ZFAT: variants seen among roughly 807,000 people sequenced by gnomAD.
The protein encoded by ZFAT is zinc finger protein ZFAT.
A neutral mutation model predicts 117.7 loss-of-function variants in ZFAT; 64 were observed. The observed-to-expected ratio is 0.54, with a 90% CI of 0.44 to 0.67. The LOEUF is 0.67. ZFAT is among the 30% of genes least tolerant of loss of function. The pLI, the probability that ZFAT is intolerant of heterozygous loss-of-function variation, is 0.00. For missense variants in ZFAT, 1,433 were observed against 1,584.5 expected (o/e 0.90, Z 1.62); for synonymous variants, 679 against 615.0 (o/e 1.10, Z -1.54).
intron 3 of ZFAT, among the ~76,000 whole-genome samples, chr8:134,635,885 A>G (rs1354236513): frequency 6.6e-6 from 1 of 151,922 alleles, no homozygotes; most frequent in Non-Finnish European, 1.5e-5. Flanking sequence ...AAATGACAGC[A>G]CTCCGGGCCT....
At chr8:134,514,689 ACT>A (rs1820118682) in intron 13 of ZFAT, among the ~76,000 whole-genome samples, 1 of 152,012 alleles carries the variant, frequency 6.6e-6, no homozygotes, top group African/African-American at 2.4e-5. Context: ...AGACTCCAAA[ACT>A]CTTACTTTTT....
intron 4 of ZFAT, 143 bp downstream of exon 4, chr8:134,610,327 T>A: frequency 1.1e-6 from 1 of 921,822 alleles, no homozygotes; most frequent in Non-Finnish European, 1.6e-6. Flanking sequence ...GTAAGTCTCA[T>A]CCTCTCAAAT....
At chr8:134,666,942 C>T (rs762709575) in intron 1 of ZFAT, among the ~76,000 whole-genome samples, 17 of 152,194 alleles carry the variant, frequency 1.1e-4, no homozygotes, top group African/African-American at 2.2e-4. Flanking sequence ...AAGAAATCCA[C>T]GCCAAGTGCG....
chr8:134,736,531 G>C, the ZFAT span, among the ~76,000 whole-genome samples: 60 of 152,146 alleles, frequency 3.9e-4, no homozygotes, highest in Non-Finnish European at 7.5e-4. Flanking sequence ...CACAGAGCAA[G>C]GTTTGCATAG....
intron 2 of ZFAT, among the ~76,000 whole-genome samples, chr8:134,644,889 G>A (rs1046228600): frequency 1.3e-5 from 2 of 151,738 alleles, no homozygotes; most frequent in Admixed American, 6.6e-5. Flanking sequence ...ACACTCAAAC[G>A]TGCCTATATA....
chr8:134,769,295 G>A, the ZFAT span, among the ~76,000 whole-genome samples: 2 of 152,200 alleles, frequency 1.3e-5, no homozygotes, highest in Non-Finnish European at 2.9e-5. Flanking sequence ...TTCAATGGGG[G>A]TATAGCCATT....
At chr8:134,632,179 G>A (rs1269288021) in intron 3 of ZFAT, among the ~76,000 whole-genome samples, 1 of 152,108 alleles carries the variant, frequency 6.6e-6, no homozygotes, top group Admixed American at 6.5e-5. Flanking sequence ...TACTCAACAT[G>A]AGGAGAATGA....
chr8:134,787,391 A>G, the ZFAT span, among the ~76,000 whole-genome samples: 3 of 152,188 alleles, frequency 2.0e-5, no homozygotes, highest in African/African-American at 7.2e-5. Context: ...TCCCCAATAC[A>G]GCTATCTAAT....
intron 3 of ZFAT, among the ~76,000 whole-genome samples, chr8:134,624,016 T>C (rs140145116): frequency 5.9e-5 from 9 of 152,196 alleles, no homozygotes; most frequent in African/African-American, 2.2e-4. Context: ...GAAACTACTA[T>C]ACAGACCTCC....
At chr8:134,783,417 T>A in the ZFAT span, among the ~76,000 whole-genome samples, 1 of 152,106 alleles carries the variant, frequency 6.6e-6, no homozygotes, top group Non-Finnish European at 1.5e-5. Context: ...ACACTCCTTA[T>A]GAGAATCTAA....
At chr8:134,575,444 T>C (rs1825230448) in intron 10 of ZFAT, among the ~76,000 whole-genome samples, 1 of 152,160 alleles carries the variant, frequency 6.6e-6, no homozygotes, top group Admixed American at 6.5e-5. Context: ...AAAAGGTCCA[T>C]AAGCCACAGG....
intron 1 of ZFAT, among the ~76,000 whole-genome samples, chr8:134,710,782 A>G (rs1416448488): frequency 6.6e-6 from 1 of 152,230 alleles, no homozygotes; most frequent in African/African-American, 2.4e-5. Context: ...ACAATGAACC[A>G]TCAGAAAGCA....
intron 15 of ZFAT, among the ~76,000 whole-genome samples, chr8:134,486,941 T>A (rs191623093): frequency 1.2e-4 from 19 of 152,290 alleles, no homozygotes; most frequent in Admixed American, 1.2e-3. Flanking sequence ...TGTGTATATG[T>A]GTGTTCATGT....
intron 11 of ZFAT, among the ~76,000 whole-genome samples, chr8:134,544,093 C>T (rs375584325): frequency 6.6e-6 from 1 of 152,176 alleles, no homozygotes; most frequent in Non-Finnish European, 1.5e-5. Context: ...CTACCTTCAC[C>T]CTGAAATTTT....
At chr8:134,751,096 C>T in the ZFAT span, among the ~76,000 whole-genome samples, 2 of 151,082 alleles carry the variant, frequency 1.3e-5, no homozygotes, top group Non-Finnish European at 3.0e-5. Context: ...TTTTCAGGTT[C>T]CAGACTTAAA....
chr8:134,612,212 G>A (rs1828388026), intron 3 of ZFAT, among the ~76,000 whole-genome samples: 1 of 152,242 alleles, frequency 6.6e-6, no homozygotes, highest in African/African-American at 2.4e-5. Context: ...TCTCAGCCAT[G>A]AGTGTGGAAA....
chr8:134,659,006 C>T (rs1368510250), intron 1 of ZFAT, among the ~76,000 whole-genome samples: 1 of 152,218 alleles, frequency 6.6e-6, no homozygotes, highest in Non-Finnish European at 1.5e-5. Flanking sequence ...AGCAGCTGGA[C>T]GGCTGGCAAT....
At chr8:134,533,642 C>A (rs1032855662) in intron 11 of ZFAT, among the ~76,000 whole-genome samples, 1 of 152,246 alleles carries the variant, frequency 6.6e-6, no homozygotes, top group Non-Finnish European at 1.5e-5. Flanking sequence ...CAAGTGTCAA[C>A]CATCAGGGAA....
chr8:134,681,357 C>A (rs537002440), intron 1 of ZFAT, among the ~76,000 whole-genome samples: 3 of 152,210 alleles, frequency 2.0e-5, no homozygotes, highest in Non-Finnish European at 4.4e-5. Flanking sequence ...TTCTGCCACA[C>A]CTTTGCCCAC....
Sources: gnomAD v4.1 joint callset for allele counts (sites outside exome capture counted in the v4.1 genomes callset) on GRCh38, gnomAD v4.1.1 for gene constraint, MANE v1.5 for transcripts, NCBI Gene and HGNC (gene_info 2026-07-23, HGNC 2026-07-21) for gene names.